The following PHF24 variants were observed in gnomAD, a reference collection of about 807,000 sequenced individuals.
PHF24 encodes PHD finger protein 24.
PHF24 carries 25 observed loss-of-function variants against 42.6 expected under a neutral mutation model. That is an observed-to-expected ratio of 0.59 (90% confidence interval 0.43 to 0.82). PHF24 has a LOEUF of 0.82. PHF24 is among the 40% of genes least tolerant of loss of function. The pLI is 0.00. For missense variants in PHF24, 470 were observed against 538.1 expected, an observed-to-expected ratio of 0.87 and a Z score of 1.25; for synonymous variants, 185 against 204.8, an observed-to-expected ratio of 0.90 and a Z score of 0.83.
the PHF24 span, among the ~76,000 whole-genome samples, chr9:34,932,984 CTTTTT>C: frequency 8.2e-6 from 1 of 121,450 alleles, no homozygotes; most frequent in Non-Finnish European, 1.7e-5. Context: ...AGCAGGAACT[CTTTTT>C]TTTTTTTTTT....
At chr9:34,665,988 G>A in the PHF24 span, 27 of 431,214 alleles carry the variant, frequency 6.3e-5, no homozygotes, top group South Asian at 5.0e-4. Context: ...CTGGAGGGGG[G>A]GCTGAGAGGG....
chr9:34,763,488 GCTCT>G, the PHF24 span, among the ~76,000 whole-genome samples: 1 of 151,970 alleles, frequency 6.6e-6, no homozygotes, highest in East Asian at 1.9e-4. Context: ...TCATGATTTG[GCTCT>G]CTGTTTGTCT....
the PHF24 span, among the ~76,000 whole-genome samples, chr9:34,696,016 A>C: frequency 1.3e-5 from 2 of 152,158 alleles, no homozygotes; most frequent in African/African-American, 4.8e-5. Context: ...ATCACTCGTG[A>C]GGCATGGATG....
At chr9:34,740,528 G>C in the PHF24 span, among the ~76,000 whole-genome samples, 7 of 152,224 alleles carry the variant, frequency 4.6e-5, no homozygotes, top group Non-Finnish European at 8.8e-5. Flanking sequence ...CGGCTGCTCC[G>C]AGTGCAGGGC....
chr9:34,744,769 C>A, the PHF24 span, among the ~76,000 whole-genome samples: 1 of 152,032 alleles, frequency 6.6e-6, no homozygotes, highest in Non-Finnish European at 1.5e-5. Flanking sequence ...AGGTTGGGAG[C>A]TGCTGCTCTA....
the PHF24 span, among the ~76,000 whole-genome samples, chr9:34,674,928 G>A: frequency 5.9e-5 from 9 of 152,240 alleles, no homozygotes; most frequent in East Asian, 7.7e-4. Context: ...ATGCAGTGGC[G>A]TGATCTCGGC....
the PHF24 span, among the ~76,000 whole-genome samples, chr9:34,912,947 T>A: frequency 6.6e-6 from 1 of 152,086 alleles, no homozygotes; most frequent in South Asian, 2.1e-4. Context: ...AAGTAAACAC[T>A]ATTGAAATAA....
chr9:34,962,425 C>CT (rs34187583), intron 1 of PHF24, among the ~76,000 whole-genome samples: 24 of 148,706 alleles, frequency 1.6e-4, no homozygotes, highest in South Asian at 4.3e-4. Flanking sequence ...CAAGCAACAC[C>CT]TTTTTTTTTT....
chr9:34,802,473 C>A, the PHF24 span, among the ~76,000 whole-genome samples: 1 of 152,142 alleles, frequency 6.6e-6, no homozygotes, highest in South Asian at 2.1e-4. Flanking sequence ...CATGCATCAT[C>A]CTGATTTGAA....
chr9:34,971,666 C>T (rs1328112153), exon 2 of PHF24: 24 of 1,609,160 alleles, frequency 1.5e-5, no homozygotes, highest in Non-Finnish European at 2.0e-5. Context: ...TGCCTGGAGC[C>T]CAGAGAGCCT....
chr9:34,861,564 G>A, the PHF24 span, among the ~76,000 whole-genome samples: 1 of 152,186 alleles, frequency 6.6e-6, no homozygotes. Flanking sequence ...AGCAGCCATC[G>A]TAAAGAGGCC....
chr9:34,876,668 AAAAGAAAG>A, the PHF24 span, among the ~76,000 whole-genome samples: 6 of 152,164 alleles, frequency 3.9e-5, no homozygotes, highest in African/African-American at 7.2e-5. Context: ...ATTATTAAAA[AAAAGAAAG>A]AAAGAAAGAA....
the PHF24 span, among the ~76,000 whole-genome samples, chr9:34,900,797 C>T: frequency 6.6e-6 from 1 of 152,090 alleles, no homozygotes; most frequent in East Asian, 1.9e-4. Flanking sequence ...ACTATAAAAA[C>T]GGTTTGCAGG....
the PHF24 span, among the ~76,000 whole-genome samples, chr9:34,859,271 A>T: frequency 1.4e-4 from 22 of 152,318 alleles, no homozygotes; most frequent in African/African-American, 5.1e-4. Context: ...AGTCTGAGTT[A>T]GGTGACTCGG....
At chr9:34,766,240 G>C in the PHF24 span, among the ~76,000 whole-genome samples, 75 of 152,300 alleles carry the variant, frequency 4.9e-4, no homozygotes, top group Non-Finnish European at 8.2e-4. Context: ...GAATCTGAAT[G>C]TTGGCCTGCC....
the PHF24 span, among the ~76,000 whole-genome samples, chr9:34,761,022 C>A: frequency 1.3e-5 from 2 of 151,640 alleles, no homozygotes; most frequent in African/African-American, 4.8e-5. Context: ...TGCTCCAGTG[C>A]TTCTCAATCC....
At chr9:34,687,585 G>A in the PHF24 span, among the ~76,000 whole-genome samples, 2 of 152,186 alleles carry the variant, frequency 1.3e-5, no homozygotes, top group African/African-American at 4.8e-5. Context: ...CAGTGTCATG[G>A]AGGTAGCGTC....
chr9:34,922,972 C>A, the PHF24 span: 1 of 1,145,574 alleles, frequency 8.7e-7, no homozygotes, highest in South Asian at 1.7e-5. Context: ...GGCCTCGCCC[C>A]AGTCTACCTG....
the PHF24 span, among the ~76,000 whole-genome samples, chr9:34,770,992 A>G: frequency 6.6e-6 from 1 of 152,130 alleles, no homozygotes; most frequent in African/African-American, 2.4e-5. Flanking sequence ...GCATGACTGT[A>G]ATCCCAGCTA....
Sources: gnomAD v4.1 joint callset for allele counts (sites outside exome capture counted in the v4.1 genomes callset) on GRCh38, gnomAD v4.1.1 for gene constraint, MANE v1.5 for transcripts, NCBI Gene and HGNC (gene_info 2026-07-23, HGNC 2026-07-21) for gene names.